NIT2: variants seen among roughly 807,000 people sequenced by gnomAD.
The protein encoded by NIT2 is omega-amidase NIT2.
Under a neutral mutation model 42.7 loss-of-function variants are expected in NIT2, and 46 were observed. The observed-to-expected ratio is 1.08, with a 90% CI of 0.85 to 1.38. NIT2 has a LOEUF of 1.38. Among genes scored for constraint, NIT2 ranks in the 40% most tolerant of loss-of-function variants. The pLI is 0.00. For missense variants in NIT2, 309 were observed against 342.5 expected (o/e 0.90, Z 0.77); for synonymous variants, 123 against 121.9 (o/e 1.01, Z -0.06).
intron 8 of NIT2, among the ~76,000 whole-genome samples, chr3:100,353,903 G>A (rs186238481): frequency 3.3e-5 from 5 of 151,954 alleles, no homozygotes; most frequent in Admixed American, 1.3e-4. Flanking sequence ...CAGCCTCCGA[G>A]TAGCTGAGAT....
chr3:100,346,179 A>G lies in NIT2; in HGVS notation c.431-2A>G. The G allele has an allele frequency of 6.2e-7, 1 of 1,613,916 alleles. No individual in the cohort carries two copies. Among genetic ancestry groups the G allele is most frequent in the Non-Finnish European group, 8.5e-7 (1 of 1,179,822 alleles). Reference sequence around the variant, plus strand: ...ATTTGTGCATTTTCTGTTTGGAAACAGCTTACTGCAGAGTGGGTCTGGGCA... The same window carrying G: ...ATTTGTGCATTTTCTGTTTGGAAACGGCTTACTGCAGAGTGGGTCTGGGCA... On this transcript the variant is annotated splice_acceptor_variant, in intron 5 of 9. Transcript: ENST00000394140. LOFTEE classifies it high-confidence loss of function.
At chr3:100,343,343 T>A (rs978024976) in intron 4 of NIT2, among the ~76,000 whole-genome samples, 5 of 151,926 alleles carry the variant, frequency 3.3e-5, no homozygotes, top group Non-Finnish European at 5.9e-5. Context: ...ATTATATTTT[T>A]AAATATTTTT....
intron 3 of NIT2, among the ~76,000 whole-genome samples, chr3:100,340,450 G>A (rs183523560): frequency 1.3e-5 from 2 of 151,814 alleles, no homozygotes; most frequent in Non-Finnish European, 2.9e-5. Context: ...TTATTTTTGT[G>A]GTTTTGGAAT....
At chr3:100,343,545 C>A (rs1221223298) in intron 4 of NIT2, among the ~76,000 whole-genome samples, 2 of 152,076 alleles carry the variant, frequency 1.3e-5, no homozygotes, top group South Asian at 4.1e-4. Flanking sequence ...CTGAAATACC[C>A]CTTTGCTTCT....
rs1706351818 is a variant in NIT2, at chr3:100,359,283, G to A, written c.*4015G>A. ...TGGGCAGGGTCCAGTAATTCCAAATGTTGTCATCCTAGCTCTTCCTGAAGC... is the reference window on the plus strand; with the variant it reads ...TGGGCAGGGTCCAGTAATTCCAAATATTGTCATCCTAGCTCTTCCTGAAGC... On this transcript the variant is annotated 3_prime_UTR_variant, in exon 10 of 10. Transcript: ENST00000394140. 6.6e-6 allele frequency: 1 copy of A among 152,208 alleles called. No individual in the cohort carries two copies. The highest frequency in any genetic ancestry group is 1.5e-5 in the Non-Finnish European group (1 of 68,038). The allele number at this position is 152,208 out of a possible 1,614,324, so 9.4% of individuals were successfully genotyped here. A position where few individuals can be genotyped will look rare whatever the true frequency, so the allele number is the denominator to read the frequency against.
intron 1 of NIT2, among the ~76,000 whole-genome samples, chr3:100,337,910 A>G (rs1414281074): frequency 1.3e-5 from 2 of 152,176 alleles, no homozygotes; most frequent in African/African-American, 4.8e-5. Flanking sequence ...AAAAAATTAC[A>G]TAATTAAAAA....
At chr3:100,336,529 G>A (rs1706074331) in intron 1 of NIT2, among the ~76,000 whole-genome samples, 1 of 152,198 alleles carries the variant, frequency 6.6e-6, no homozygotes. Flanking sequence ...CGGAGAGGGG[G>A]ATGTGGCAGG....
At chr3:100,343,757 A>G (rs1189920283) in intron 4 of NIT2, among the ~76,000 whole-genome samples, 1 of 152,228 alleles carries the variant, frequency 6.6e-6, no homozygotes, top group African/African-American at 2.4e-5. Context: ...ACAACAAGAA[A>G]AAAATTATAA....
intron 6 of NIT2, among the ~76,000 whole-genome samples, chr3:100,347,493 G>A (rs1447357123): frequency 1.3e-5 from 2 of 152,154 alleles, no homozygotes; most frequent in Admixed American, 1.3e-4. Flanking sequence ...GTGCAGGCGT[G>A]ATCATGGCTC....
chr3:100,340,912 A>G (rs1441848944), intron 3 of NIT2, among the ~76,000 whole-genome samples, 161 bp from the exon 4 acceptor site: 2 of 152,204 alleles, frequency 1.3e-5, no homozygotes, highest in African/African-American at 4.8e-5. Flanking sequence ...ATTCTGTATT[A>G]TAGAATGAGG....
chr3:100,346,316 ATG>A, intron 6 of NIT2, 61 bp downstream of exon 6: 8 of 1,446,772 alleles, frequency 5.5e-6, no homozygotes, highest in Non-Finnish European at 7.7e-6. Flanking sequence ...AGGCTGGTCT[ATG>A]TGGGATCCTT....
chr3:100,334,898 G>C, intron 1 of NIT2, 100 bp downstream of exon 1: 7 of 1,121,432 alleles, frequency 6.2e-6, no homozygotes, highest in Non-Finnish European at 7.9e-6. Context: ...CCTCCGCCCC[G>C]CGTCCCCGCC....
intron 2 of NIT2, 127 bp downstream of exon 2, chr3:100,339,332 G>A (rs1452241220): frequency 2.8e-6 from 2 of 713,088 alleles, no homozygotes; most frequent in African/African-American, 1.7e-5. Context: ...AGATTGTTCC[G>A]AGTCTGACTG....
At chr3:100,344,270 G>T (rs1465453217) in intron 4 of NIT2, among the ~76,000 whole-genome samples, 1 of 152,202 alleles carries the variant, frequency 6.6e-6, no homozygotes, top group Non-Finnish European at 1.5e-5. Flanking sequence ...ACCCAGGGCT[G>T]TTCCCTGCTT....
At chr3:100,352,867 G>A (rs1706288385) in intron 8 of NIT2, among the ~76,000 whole-genome samples, 1 of 152,158 alleles carries the variant, frequency 6.6e-6, no homozygotes, top group Non-Finnish European at 1.5e-5. Flanking sequence ...CTAGTCCCAG[G>A]GTAGGAATGA....
chr3:100,339,969 A>G, intron 3 of NIT2, 34 bp downstream of exon 3: 2 of 1,581,314 alleles, frequency 1.3e-6, no homozygotes, highest in Non-Finnish European at 1.7e-6. Flanking sequence ...AATGACCTAA[A>G]CATTAGAAAC....
rs772260180 is a variant in NIT2, at chr3:100,361,199, T to C, written c.*5931T>C. On this transcript the variant is annotated 3_prime_UTR_variant, in exon 10 of 10. Coordinates refer to ENST00000394140, the MANE Select transcript of NIT2 (RefSeq NM_020202.5). Reference sequence around the variant, plus strand: ...AAAATCAGGTAAAAGTTATTTAATATAGCAGTTCATAATTTAGGCCATGGA... The same window carrying C: ...AAAATCAGGTAAAAGTTATTTAATACAGCAGTTCATAATTTAGGCCATGGA... 1 of 152,274 alleles carries C rather than the reference T, an allele frequency of 6.6e-6. No individual in the cohort carries two copies. Among genetic ancestry groups the C allele is most frequent in the African/African-American group, 2.4e-5 (1 of 41,472 alleles). 9.4% of individuals were successfully genotyped at this position (152,274 alleles called of 1,614,324 possible). A position where few individuals can be genotyped will look rare whatever the true frequency, so the allele number is the denominator to read the frequency against.
chr3:100,348,717 T>A, intron 6 of NIT2, 86 bp from the exon 7 acceptor site: 1 of 1,052,526 alleles, frequency 9.5e-7, no homozygotes. Context: ...TTGAGTTCAG[T>A]TCCTGCTAGA....
intron 5 of NIT2, 163 bp from the exon 6 acceptor site, chr3:100,346,018 A>T (rs1219943021): frequency 9.7e-6 from 6 of 620,596 alleles, no homozygotes; most frequent in Non-Finnish European, 1.7e-5. Flanking sequence ...TTATGAGATG[A>T]AGTCCAAGTA....
Sources: allele counts gnomAD v4.1 joint callset (sites outside exome capture counted in the v4.1 genomes callset), GRCh38; gene constraint gnomAD v4.1.1; transcripts MANE v1.5; gene names NCBI Gene and HGNC (gene_info 2026-07-23, HGNC 2026-07-21).